The following MSH3 variants were observed in gnomAD, a reference collection of about 807,000 sequenced individuals.
MSH3 encodes the protein mutS homolog 3.
In MSH3, 106 loss-of-function variants were observed where a neutral mutation model predicts 123.3. The observed-to-expected ratio is 0.86, with a 90% CI of 0.73 to 1.01. The LOEUF (loss-of-function observed/expected upper bound fraction) is 1.01, where lower values mean the gene tolerates loss of function less well. Among genes scored for constraint, MSH3 ranks in the 50% least tolerant of loss-of-function variants. The pLI is 0.00. For synonymous variants in MSH3, 515 were observed against 481.4 expected, an observed-to-expected ratio of 1.07 and a Z score of -0.91; for missense variants, 1,459 against 1,347.6, an observed-to-expected ratio of 1.08 and a Z score of -1.29.
chr5:80,657,974 A>G (rs2405880), intron 2 of MSH3, among the ~76,000 whole-genome samples: 7 of 149,284 alleles, frequency 4.7e-5, no homozygotes, highest in African/African-American at 1.5e-4. Flanking sequence ...ATGAGCACCT[A>G]TGATTTTTAT....
chr5:80,831,111 A>G (rs1745409472), intron 20 of MSH3, among the ~76,000 whole-genome samples: 1 of 152,236 alleles, frequency 6.6e-6, no homozygotes, highest in Non-Finnish European at 1.5e-5. Context: ...TAAGCTCGTT[A>G]TAAAATTTTA....
At chr5:80,667,935 C>T (rs899487647) in intron 3 of MSH3, among the ~76,000 whole-genome samples, 3 of 152,136 alleles carry the variant, frequency 2.0e-5, no homozygotes, top group African/African-American at 7.2e-5. Flanking sequence ...TCTTTTAGCC[C>T]TGCCATTCGG....
chr5:80,729,440 G>T (rs867781153), intron 10 of MSH3, among the ~76,000 whole-genome samples: 8 of 133,142 alleles, frequency 6.0e-5, no homozygotes, highest in South Asian at 2.6e-4. Context: ...ATGTGTGTGT[G>T]TGTGTGTGTG....
chr5:80,740,260 CAAT>C (rs1743586787), intron 10 of MSH3, among the ~76,000 whole-genome samples: 1 of 151,956 alleles, frequency 6.6e-6, no homozygotes, highest in Non-Finnish European at 1.5e-5. Flanking sequence ...GATACTGAGA[CAAT>C]AAGGAGAGTG....
chr5:80,814,514 G>A (rs1049428619), intron 20 of MSH3, among the ~76,000 whole-genome samples: 7 of 152,130 alleles, frequency 4.6e-5, no homozygotes, highest in African/African-American at 1.2e-4. Context: ...CAAGTGAGCC[G>A]CCCGCCTTGG....
chr5:80,821,775 T>C (rs1745208641), intron 20 of MSH3, among the ~76,000 whole-genome samples: 1 of 152,242 alleles, frequency 6.6e-6, no homozygotes, highest in Admixed American at 6.5e-5. Flanking sequence ...AAGTTGTGCT[T>C]GCAGCAAACA....
At chr5:80,722,625 G>C (rs1230622261) in intron 8 of MSH3, among the ~76,000 whole-genome samples, 4 of 152,222 alleles carry the variant, frequency 2.6e-5, no homozygotes, top group African/African-American at 4.8e-5. Context: ...AGACCAGAGA[G>C]AGGTATGTGT....
rs1431935545 is a variant in MSH3, at chr5:80,672,840, T to C, written c.1009T>C (p.Ser337Pro). The change falls in exon 6 of 24, where the codon TCT (serine) becomes CCT (proline). Residue 337 changes from serine to proline, a missense_variant. Coordinates refer to ENST00000265081, the MANE Select transcript of MSH3 (RefSeq NM_002439.5). ...SRKLTALYTKSTLIGEDVNPL... is the reference protein window; with the variant it reads ...SRKLTALYTKPTLIGEDVNPL... ...GAAATTGACTGCCCTTTATACAAAATCTACACTTATTGGAGAAGATATCCT... is the reference window on the plus strand; with the variant it reads ...GAAATTGACTGCCCTTTATACAAAACCTACACTTATTGGAGAAGATATCCT... The C allele has an allele frequency of 6.2e-7, 1 of 1,611,786 alleles. No individual in the cohort carries two copies. Among genetic ancestry groups the C allele is most frequent in the South Asian group, 1.1e-5 (1 of 91,056 alleles).
chr5:80,668,129 G>A (rs115426860), intron 3 of MSH3, among the ~76,000 whole-genome samples: 37 of 152,266 alleles, frequency 2.4e-4, no homozygotes, highest in African/African-American at 6.3e-4. Context: ...GCCGAGAGGG[G>A]ACCCTGGAGT....
chr5:80,753,394 G>A (rs1332717354), intron 12 of MSH3, among the ~76,000 whole-genome samples: 1 of 152,164 alleles, frequency 6.6e-6, no homozygotes, highest in Non-Finnish European at 1.5e-5. Context: ...GGAATGTAGG[G>A]AGACTTTAGG....
rs1247886940 is a variant in MSH3 at position 80,693,608 on chromosome 5, TATACACACACACATATAC to T, written c.1340+14517_1340+14534del. ...ATATAAATATATATAAACATACATA[TATACACACACACATATAC>T]ACACACACACACACACACACACAAA... On this transcript the variant is annotated intron_variant, in intron 8 of 23. Coordinates refer to ENST00000265081, the MANE Select transcript of MSH3 (RefSeq NM_002439.5). Among the ~76,000 whole-genome samples, 91 of 132,680 alleles carry T rather than the reference TATACACACACACATATAC, an allele frequency of 6.9e-4. 1 individual carries two copies. Among genetic ancestry groups the T allele is most frequent in the African/African-American group, 2.6e-3 (89 of 33,900 alleles). 87.0% of individuals were successfully genotyped at this position (132,680 alleles called of 152,430 possible). A position where few individuals can be genotyped will look rare whatever the true frequency, so the allele number is the denominator to read the frequency against.
At chr5:80,672,200 C>G in intron 4 of MSH3, 44 bp from the exon 5 acceptor site, 1 of 1,373,836 alleles carries the variant, frequency 7.3e-7, no homozygotes, top group Non-Finnish European at 1.0e-6. Context: ...CATAGGGAAT[C>G]TTAAAATATA....
chr5:80,806,036 T>G (rs1744884491), intron 19 of MSH3, among the ~76,000 whole-genome samples: 1 of 145,770 alleles, frequency 6.9e-6, no homozygotes, highest in Non-Finnish European at 1.6e-5. Flanking sequence ...CTATAATTTT[T>G]TATAAACATT....
chr5:80,773,807 G>A (rs929187739), intron 15 of MSH3, among the ~76,000 whole-genome samples: 14 of 151,946 alleles, frequency 9.2e-5, no homozygotes, highest in African/African-American at 1.4e-4. Context: ...TTGCTCTGTC[G>A]TCCAGGCTGG....
At chr5:80,764,439 G>A (rs916090963) in intron 13 of MSH3, among the ~76,000 whole-genome samples, 1 of 151,316 alleles carries the variant, frequency 6.6e-6, no homozygotes, top group African/African-American at 2.4e-5. Context: ...GCAGTGGTGC[G>A]ACCACAGCTC....
intron 20 of MSH3, among the ~76,000 whole-genome samples, chr5:80,836,625 T>A (rs550503348): frequency 6.6e-6 from 1 of 150,806 alleles, no homozygotes; most frequent in Non-Finnish European, 1.5e-5. Context: ...CCCCCCAGTA[T>A]GAAAATCTGC....
intron 11 of MSH3, among the ~76,000 whole-genome samples, chr5:80,741,891 A>C (rs1156947984): frequency 6.6e-6 from 1 of 151,292 alleles, no homozygotes; most frequent in East Asian, 1.9e-4. Flanking sequence ...TTTTCTATAC[A>C]CCTTTAGCTT....
intron 20 of MSH3, among the ~76,000 whole-genome samples, chr5:80,838,324 C>T (rs979605389): frequency 6.6e-6 from 1 of 151,944 alleles, no homozygotes; most frequent in Non-Finnish European, 1.5e-5. Flanking sequence ...GGCGTCAGAC[C>T]GAGCCAGGTT....
intron 20 of MSH3, among the ~76,000 whole-genome samples, chr5:80,834,224 G>T (rs1405099010): frequency 6.6e-6 from 1 of 152,044 alleles, no homozygotes; most frequent in East Asian, 1.9e-4. Flanking sequence ...ACCCTCCAGG[G>T]TGTGAGTCCC....
Sources: allele counts gnomAD v4.1 joint callset (sites outside exome capture counted in the v4.1 genomes callset), GRCh38; gene constraint gnomAD v4.1.1; transcripts MANE v1.5; gene names NCBI Gene and HGNC (gene_info 2026-07-23, HGNC 2026-07-21).